MEI4: variants seen among roughly 807,000 people sequenced by gnomAD.
The protein encoded by MEI4 is meiotic double-stranded break formation protein 4, also known as meiosis-specific protein MEI4.
MEI4 carries 27 observed loss-of-function variants against 31.4 expected under a neutral mutation model. The observed-to-expected ratio is 0.86, with a 90% confidence interval of 0.63 to 1.19. The LOEUF is 1.19. Ranked by LOEUF, MEI4 falls within the 50% of genes most tolerant of loss-of-function variation. The probability of loss-of-function intolerance (pLI) is 0.00; values close to 1 mark genes in which losing one functional copy is unlikely to be tolerated. For missense variants in MEI4, 329 were observed against 398.9 expected (o/e 0.82, Z 1.49); for synonymous variants, 122 against 145.4 (o/e 0.84, Z 1.16).
chr6:77,681,581 A>G (rs1275657551), intron 1 of MEI4, among the ~76,000 whole-genome samples: 3 of 152,144 alleles, frequency 2.0e-5, no homozygotes, highest in Admixed American at 1.3e-4. Context: ...TATCTTATAA[A>G]ATATATGTGA....
chr6:77,693,675 G>A (rs1769201786), intron 2 of MEI4, among the ~76,000 whole-genome samples: 1 of 152,004 alleles, frequency 6.6e-6, no homozygotes, highest in Non-Finnish European at 1.5e-5. Context: ...TAGATAAATG[G>A]AGTAACTGTT....
intron 4 of MEI4, among the ~76,000 whole-genome samples, chr6:77,921,153 T>C (rs573763717): frequency 6.6e-6 from 1 of 152,016 alleles, no homozygotes; most frequent in Non-Finnish European, 1.5e-5. Context: ...ACAACTGTTA[T>C]TTAGTGTAGC....
Position 77,657,063 on chromosome 6 carries a change from G to T in MEI4, c.-15+3971G>T, listed in dbSNP as rs1469548534. Reference sequence around the variant, plus strand: ...GTATGTTTCATGCTAAATTGCTGCTGTAAAAATCTTTAGTGGCAAATAATA... The same window carrying T: ...GTATGTTTCATGCTAAATTGCTGCTTTAAAAATCTTTAGTGGCAAATAATA... On this transcript the variant is annotated intron_variant, in intron 1 of 4. Coordinates refer to ENST00000684080, the MANE Select transcript of MEI4 (RefSeq NM_001322247.2). Among the ~76,000 whole-genome samples the T allele has an allele frequency of 2.6e-5, 4 of 152,150 alleles. No homozygotes were observed. The East Asian group carries it at 5.8e-4, about 22-fold the overall frequency.
intron 2 of MEI4, among the ~76,000 whole-genome samples, chr6:77,729,116 TAGAG>T (rs1037338204): frequency 2.6e-5 from 4 of 152,246 alleles, no homozygotes; most frequent in African/African-American, 9.6e-5. Flanking sequence ...CATGAACTCA[TAGAG>T]AGGAAGTAGG....
intron 2 of MEI4, among the ~76,000 whole-genome samples, chr6:77,733,686 C>T (rs527285746): frequency 6.6e-6 from 1 of 151,754 alleles, no homozygotes; most frequent in Non-Finnish European, 1.5e-5. Flanking sequence ...AATACGTTTG[C>T]TCTTGCTTTT....
chr6:77,894,394 T>TA (rs529039006), intron 4 of MEI4, among the ~76,000 whole-genome samples: 10 of 152,002 alleles, frequency 6.6e-5, no homozygotes, highest in African/African-American at 1.9e-4. Context: ...TATTTTTTTT[T>TA]AAAAAAAAGA....
At chr6:77,869,938 T>C (rs1348513635) in intron 4 of MEI4, among the ~76,000 whole-genome samples, 1 of 152,136 alleles carries the variant, frequency 6.6e-6, no homozygotes, top group Non-Finnish European at 1.5e-5. Flanking sequence ...AGAGATGTAC[T>C]GAGTGCCTAT....
chr6:77,796,484 T>G (rs1468184106), intron 3 of MEI4, among the ~76,000 whole-genome samples: 1 of 152,166 alleles, frequency 6.6e-6, no homozygotes, highest in African/African-American at 2.4e-5. Context: ...ATCAAAAAAC[T>G]GTTAGAACTA....
chr6:77,732,535 C>G (rs540087248), intron 2 of MEI4, among the ~76,000 whole-genome samples: 8 of 148,270 alleles, frequency 5.4e-5, no homozygotes, highest in Admixed American at 2.7e-4. Flanking sequence ...TGGGCTGAGA[C>G]AAGGGGTTTT....
At chr6:77,804,552 G>A (rs1769378440) in intron 3 of MEI4, among the ~76,000 whole-genome samples, 2 of 152,138 alleles carry the variant, frequency 1.3e-5, no homozygotes, top group Non-Finnish European at 2.9e-5. Context: ...CGCTCACGCT[G>A]GGATCTGTAG....
chr6:77,761,210 G>A lies in MEI4; in HGVS notation c.313G>A (p.Asp105Asn). 1 of 1,232,356 alleles carries A rather than the reference G, an allele frequency of 8.1e-7. No individual in the cohort carries two copies. Among genetic ancestry groups the A allele is most frequent in the Non-Finnish European group, 1.0e-6 (1 of 988,002 alleles). 76.3% of individuals were successfully genotyped at this position (1,232,356 alleles called of 1,614,324 possible). A position where few individuals can be genotyped will look rare whatever the true frequency, so the allele number is the denominator to read the frequency against. Residue 105 changes from aspartate to asparagine, a missense_variant, in exon 3 of 5, where the codon GAT becomes AAT. By Grantham distance (23) the Asp-to-Asn change is conservative. Transcript: ENST00000684080. ...AACTTCGATGGAAGATTCTGGATGT[G>A]ATTTGTCGAATGAGCAGAGAACTGA... ...TLTSMEDSGCDLSNEQRTESS... is the reference protein window; with the variant it reads ...TLTSMEDSGCNLSNEQRTESS...
rs541365588 is a variant in MEI4 at position 77,738,492 on chromosome 6, T to C, written c.233-22638T>C. Among the ~76,000 whole-genome samples, 5 of 152,322 alleles carry C rather than the reference T, an allele frequency of 3.3e-5. No homozygotes were observed. In the East Asian group the frequency reaches 5.8e-4, roughly 18 times the overall value. ...AGTATTTTCTTTATCCAGTCTATCATTGAGGGGCATTTGGGTTGGTTCCAA... is the reference window on the plus strand; with the variant it reads ...AGTATTTTCTTTATCCAGTCTATCACTGAGGGGCATTTGGGTTGGTTCCAA... On this transcript the variant is annotated intron_variant, in intron 2 of 4. Coordinates refer to ENST00000684080, the MANE Select transcript of MEI4 (RefSeq NM_001322247.2).
Position 77,910,911 on chromosome 6 carries a change from CTCACCAGCT to C in MEI4, c.901-12175_901-12167del, listed in dbSNP as rs560200120. The stretch of plus-strand genomic sequence containing the variant: ...ATAAACATTCCTTTTTATCCACATT[CTCACCAGCT>C]TCTGGTTTTTTTTTTTTTTTTTGTC... On this transcript the variant is annotated intron_variant, in intron 4 of 4. Coordinates refer to ENST00000684080, the MANE Select transcript of MEI4 (RefSeq NM_001322247.2). 3.5e-5 allele frequency among the ~76,000 whole-genome samples: 5 copies of C among 142,006 alleles called. No homozygotes were observed. The East Asian group carries it at 6.4e-4, about 18-fold the overall frequency. 93.2% of individuals were successfully genotyped at this position (142,006 alleles called of 152,430 possible).
intron 4 of MEI4, among the ~76,000 whole-genome samples, chr6:77,908,972 A>G (rs564517225): frequency 1.1e-4 from 17 of 152,218 alleles, no homozygotes; most frequent in African/African-American, 3.9e-4. Context: ...AAGGATATCC[A>G]GAACTGAACT....
intron 2 of MEI4, among the ~76,000 whole-genome samples, chr6:77,742,059 G>C (rs1056506690): frequency 6.6e-6 from 1 of 151,914 alleles, no homozygotes; most frequent in African/African-American, 2.4e-5. Flanking sequence ...TTGCTATTGT[G>C]AATAGTGCCA....
At chr6:77,809,767 C>A (rs188475653) in intron 3 of MEI4, among the ~76,000 whole-genome samples, 99 of 151,728 alleles carry the variant, frequency 6.5e-4, no homozygotes, top group African/African-American at 2.3e-3. Flanking sequence ...TATCTTTTAC[C>A]AAATCTAAAT....
At chr6:77,863,264 C>T (rs1038406559) in intron 4 of MEI4, among the ~76,000 whole-genome samples, 4 of 152,092 alleles carry the variant, frequency 2.6e-5, no homozygotes, top group Non-Finnish European at 4.4e-5. Flanking sequence ...GAGAAGAAGG[C>T]TTCAGATGAT....
chr6:77,831,423 G>T (rs1390057484), intron 4 of MEI4, among the ~76,000 whole-genome samples: 1 of 151,402 alleles, frequency 6.6e-6, no homozygotes, highest in Non-Finnish European at 1.5e-5. Flanking sequence ...AGAAAGGAGA[G>T]ATACCGGCAC....
chr6:77,751,460 T>C (rs1349432312), intron 2 of MEI4, among the ~76,000 whole-genome samples: 1 of 151,942 alleles, frequency 6.6e-6, no homozygotes. Context: ...CCCACAGAAA[T>C]ACAAACTACC....
Sources: allele counts gnomAD v4.1 joint callset (sites outside exome capture counted in the v4.1 genomes callset), GRCh38; gene constraint gnomAD v4.1.1; transcripts MANE v1.5; gene names NCBI Gene and HGNC (gene_info 2026-07-23, HGNC 2026-07-21).